The following RASEF variants were observed in gnomAD, a reference collection of about 807,000 sequenced individuals.
RASEF encodes the protein RAS and EF-hand domain containing.
RASEF carries 68 observed loss-of-function variants against 90.1 expected under a neutral mutation model. That is an observed-to-expected ratio of 0.75 (90% CI 0.62 to 0.92). The LOEUF is 0.92. Among genes scored for constraint, RASEF ranks in the 40% least tolerant of loss-of-function variants. The pLI, the probability that RASEF is intolerant of heterozygous loss-of-function variation, is 0.00. For synonymous variants in RASEF, 331 were observed against 345.2 expected (o/e 0.96, Z 0.46); for missense variants, 949 against 937.2 (o/e 1.01, Z -0.16).
the RASEF span, among the ~76,000 whole-genome samples, chr9:83,070,451 C>A: frequency 6.6e-6 from 1 of 152,098 alleles, no homozygotes; most frequent in Non-Finnish European, 1.5e-5. Context: ...TCTTTCTGGG[C>A]TCTACATTAC....
chr9:83,184,415 G>GC, the RASEF span, among the ~76,000 whole-genome samples: 1 of 152,172 alleles, frequency 6.6e-6, no homozygotes. Flanking sequence ...TGTGGGGAAT[G>GC]CCCCTCTCCA....
chr9:83,011,769 T>C (rs1221391730), intron 5 of RASEF, among the ~76,000 whole-genome samples: 2 of 151,970 alleles, frequency 1.3e-5, no homozygotes, highest in African/African-American at 2.4e-5. Flanking sequence ...AATGTCATTA[T>C]CCAAATACAA....
intron 13 of RASEF, among the ~76,000 whole-genome samples, 197 bp from the exon 14 acceptor site, chr9:82,997,323 G>A (rs1184542340): frequency 6.6e-6 from 1 of 152,124 alleles, no homozygotes; most frequent in South Asian, 2.1e-4. Flanking sequence ...CTGGGTGACC[G>A]ACTTAGAAAA....
At chr9:83,196,023 G>A in the RASEF span, among the ~76,000 whole-genome samples, 16 of 152,000 alleles carry the variant, frequency 1.1e-4, no homozygotes, top group African/African-American at 1.9e-4. Context: ...CAGTGGACAC[G>A]GCACACGAAA....
chr9:83,011,775 T>C (rs1829251628), intron 5 of RASEF, among the ~76,000 whole-genome samples: 2 of 152,014 alleles, frequency 1.3e-5, no homozygotes, highest in South Asian at 4.2e-4. Context: ...ATTATCCAAA[T>C]ACAAAGCCTA....
chr9:83,099,076 A>T, the RASEF span, among the ~76,000 whole-genome samples: 2 of 152,138 alleles, frequency 1.3e-5, no homozygotes, highest in East Asian at 3.8e-4. Flanking sequence ...CCACCCTGAC[A>T]TCTATCTCTG....
chr9:83,190,802 C>G, the RASEF span, among the ~76,000 whole-genome samples: 1 of 151,482 alleles, frequency 6.6e-6, no homozygotes, highest in South Asian at 2.1e-4. Flanking sequence ...TGAAGAAAAA[C>G]TCTAAAATCC....
intron 3 of RASEF, among the ~76,000 whole-genome samples, chr9:83,021,683 A>G (rs746044856): frequency 3.3e-5 from 5 of 152,244 alleles, no homozygotes; most frequent in Non-Finnish European, 5.9e-5. Flanking sequence ...TTTACAAAGC[A>G]TTTACATTGT....
At chr9:83,016,378 G>A (rs1829342762) in intron 3 of RASEF, among the ~76,000 whole-genome samples, 1 of 151,984 alleles carries the variant, frequency 6.6e-6, no homozygotes, top group Non-Finnish European at 1.5e-5. Context: ...CTGTGGCCTG[G>A]TACTTCTCGG....
At chr9:83,036,297 G>A (rs1245861752) in intron 1 of RASEF, among the ~76,000 whole-genome samples, 2 of 152,234 alleles carry the variant, frequency 1.3e-5, no homozygotes, top group African/African-American at 4.8e-5. Flanking sequence ...AGCTGCCTCG[G>A]CCAACCACCT....
At chr9:83,195,571 T>C in the RASEF span, among the ~76,000 whole-genome samples, 8 of 152,050 alleles carry the variant, frequency 5.3e-5, no homozygotes, top group South Asian at 4.1e-4. Flanking sequence ...GATACAGCAG[T>C]GGAAAAACAG....
the RASEF span, among the ~76,000 whole-genome samples, chr9:83,207,116 A>G: frequency 6.6e-6 from 1 of 152,056 alleles, no homozygotes; most frequent in Non-Finnish European, 1.5e-5. Context: ...TCTCCAGTAC[A>G]CTGGCCCCAT....
chr9:83,209,174 A>G, the RASEF span, among the ~76,000 whole-genome samples: 268 of 152,330 alleles, frequency 1.8e-3, no homozygotes, highest in African/African-American at 6.0e-3. Flanking sequence ...ATAATGAGGT[A>G]ACGCCTGAAG....
chr9:83,118,119 A>T, the RASEF span, among the ~76,000 whole-genome samples: 89 of 152,334 alleles, frequency 5.8e-4, no homozygotes, highest in African/African-American at 2.1e-3. Context: ...AATCCATTCT[A>T]TAGGCTGATA....
the RASEF span, among the ~76,000 whole-genome samples, chr9:83,136,126 C>G: frequency 6.6e-6 from 1 of 151,774 alleles, no homozygotes; most frequent in African/African-American, 2.4e-5. Flanking sequence ...AACAGTAAGA[C>G]CATAAGTCTA....
intron 10 of RASEF, 111 bp downstream of exon 10, chr9:83,000,785 C>A: frequency 9.8e-7 from 1 of 1,024,816 alleles, no homozygotes; most frequent in Non-Finnish European, 1.4e-6. Context: ...ACTAACTATG[C>A]TTTACATCTA....
the RASEF span, among the ~76,000 whole-genome samples, chr9:83,114,905 T>C: frequency 6.6e-6 from 1 of 152,184 alleles, no homozygotes; most frequent in Non-Finnish European, 1.5e-5. Flanking sequence ...TGTGATATCT[T>C]ATTACCTTGT....
chr9:83,049,674 A>G (rs1170661036), intron 1 of RASEF, among the ~76,000 whole-genome samples: 1 of 147,706 alleles, frequency 6.8e-6, no homozygotes, highest in East Asian at 2.0e-4. Flanking sequence ...ATATCTCCCA[A>G]TGCTATCCCT....
intron 1 of RASEF, chr9:83,055,287 G>C (rs567664279): frequency 2.9e-6 from 1 of 348,706 alleles, no homozygotes; most frequent in South Asian, 2.4e-5. Context: ...CGCAATATTC[G>C]GGTGGGAGTG....
Sources: allele counts gnomAD v4.1 joint callset (sites outside exome capture counted in the v4.1 genomes callset), GRCh38; gene constraint gnomAD v4.1.1; transcripts MANE v1.5; gene names NCBI Gene and HGNC (gene_info 2026-07-23, HGNC 2026-07-21).